Variants in DSE observed in about 807,000 individuals in gnomAD.
The protein encoded by DSE is dermatan-sulfate epimerase.
A neutral mutation model predicts 84.4 loss-of-function variants in DSE; 36 were observed. The ratio of observed to expected loss-of-function variants is 0.43; its 90% CI spans 0.33 to 0.56. The LOEUF is 0.56. Ranked by LOEUF, DSE falls within the 20% of genes least tolerant of loss-of-function variation. DSE has a pLI of 0.06. For missense variants in DSE, 862 were observed against 1,169.6 expected (o/e 0.74, Z 3.84); for synonymous variants, 410 against 430.1 (o/e 0.95, Z 0.58).
chr6:116,361,098 T>C (rs1468525945), intron 2 of DSE, among the ~76,000 whole-genome samples: 1 of 152,214 alleles, frequency 6.6e-6, no homozygotes, highest in South Asian at 2.1e-4. Context: ...GGAGTCTCGC[T>C]CTGTTGCCCA....
intron 2 of DSE, among the ~76,000 whole-genome samples, chr6:116,303,196 C>G (rs73767732): frequency 0.067 from 10,125 of 152,126 alleles, 675 homozygotes; most frequent in African/African-American, 0.17. Flanking sequence ...CTCCACCCCT[C>G]CCCTCAACTT....
At chr6:116,325,954 TGA>T (rs1286935524) in intron 2 of DSE, among the ~76,000 whole-genome samples, 2 of 152,126 alleles carry the variant, frequency 1.3e-5, no homozygotes, top group African/African-American at 4.8e-5. Context: ...AGGGGGTATG[TGA>T]CTGGGGCTGC....
chr6:116,362,933 A>G (rs1266211818), intron 2 of DSE, among the ~76,000 whole-genome samples: 10 of 152,146 alleles, frequency 6.6e-5, no homozygotes, highest in Admixed American at 1.3e-4. Context: ...AAGTTAAGTG[A>G]TTTTCCCAAG....
chr6:116,368,111 T>TA, upstream of DSE, among the ~76,000 whole-genome samples: 1 of 152,220 alleles, frequency 6.6e-6, no homozygotes, highest in Admixed American at 6.5e-5. Flanking sequence ...GCTCATCTGC[T>TA]GTCTGTTTGG....
intron 2 of DSE, among the ~76,000 whole-genome samples, chr6:116,319,648 AC>A (rs1776187634): frequency 6.6e-6 from 1 of 152,218 alleles, no homozygotes; most frequent in Non-Finnish European, 1.5e-5. Context: ...TCCTGGTCTT[AC>A]TTAAAATCCT....
chr6:116,323,208 A>T (rs938137024), intron 2 of DSE, among the ~76,000 whole-genome samples: 2 of 152,246 alleles, frequency 1.3e-5, no homozygotes, highest in African/African-American at 4.8e-5. Flanking sequence ...CAGCTTTTAA[A>T]CAGATTTCTT....
At chr6:116,303,611 A>G (rs1775166770) in intron 2 of DSE, among the ~76,000 whole-genome samples, 1 of 152,122 alleles carries the variant, frequency 6.6e-6, no homozygotes, top group African/African-American at 2.4e-5. Flanking sequence ...CCCTTCCCCC[A>G]ACAACTCAGG....
At chr6:116,328,160 C>T (rs1477732749) in intron 2 of DSE, among the ~76,000 whole-genome samples, 2 of 152,174 alleles carry the variant, frequency 1.3e-5, no homozygotes, top group Non-Finnish European at 2.9e-5. Context: ...AGTTTAGTTC[C>T]TTCAACCAAA....
rs553435337 is a variant in DSE, at chr6:116,328,980, C to T, written c.-54+70013C>T. On this transcript the variant is annotated intron_variant, in intron 2 of 3. Transcript: ENST00000430252. ...TTCTGCTTACTACGCCTGGCAGTTCCGCTTACTATGCCTGGCAGTTCCAAG... is the reference window on the plus strand; with the variant it reads ...TTCTGCTTACTACGCCTGGCAGTTCTGCTTACTATGCCTGGCAGTTCCAAG... 6.6e-5 allele frequency among the ~76,000 whole-genome samples: 10 copies of T among 152,196 alleles called. No individual in the cohort carries two copies. In the South Asian group the frequency reaches 1.9e-3, roughly 28 times the overall value.
intron 2 of DSE, among the ~76,000 whole-genome samples, chr6:116,425,272 A>G (rs1021237788): frequency 6.6e-6 from 1 of 152,230 alleles, no homozygotes; most frequent in African/African-American, 2.4e-5. Context: ...ATTTTAAAAC[A>G]TTTTGAGAAA....
intron 2 of DSE, among the ~76,000 whole-genome samples, chr6:116,275,616 TG>T (rs1257740449): frequency 6.6e-6 from 1 of 152,094 alleles, no homozygotes; most frequent in African/African-American, 2.4e-5. Flanking sequence ...CTGGCTAACA[TG>T]GTGAAACCCC....
At chr6:116,273,283 G>T (rs1489588495) in intron 2 of DSE, among the ~76,000 whole-genome samples, 2 of 152,016 alleles carry the variant, frequency 1.3e-5, no homozygotes, top group Non-Finnish European at 2.9e-5. Context: ...TGTTCTCAAA[G>T]AAATTACCTT....
intron 1 of DSE, chr6:116,375,656 C>T (rs2114931080): frequency 1.4e-6 from 1 of 719,550 alleles, no homozygotes; most frequent in South Asian, 6.3e-5. Context: ...AAGAGAAATA[C>T]AAGGTATTGT....
chr6:116,278,879 C>T (rs377362933), intron 2 of DSE: 2 of 1,614,114 alleles, frequency 1.2e-6, no homozygotes, highest in Non-Finnish European at 1.7e-6. Context: ...AACTTGCAAC[C>T]GGTTCTAGGG....
In DSE at chr6:116,440,053, A is replaced by T. The variant is rs1219534817; in HGVS notation, c.*2708A>T. ...GATGAGACCCAGAATTTTCAGAGAG[A>T]ACATTCTTTTGACAACATTGTTTTA... On this transcript the variant is annotated 3_prime_UTR_variant, in exon 6 of 6. Transcript: ENST00000644252. 6.6e-6 allele frequency: 1 copy of T among 152,084 alleles called. No individual in the cohort carries two copies. The highest frequency in any genetic ancestry group is 1.9e-4 in the East Asian group (1 of 5,194). The allele number at this position is 152,084 out of a possible 1,614,324, so 9.4% of individuals were successfully genotyped here.
intron 2 of DSE, among the ~76,000 whole-genome samples, chr6:116,413,408 C>T (rs1782508954): frequency 6.6e-6 from 1 of 152,210 alleles, no homozygotes; most frequent in Non-Finnish European, 1.5e-5. Flanking sequence ...TGGACATCTC[C>T]ACTGTGGAGA....
chr6:116,420,270 C>T (rs1782984457), intron 2 of DSE, among the ~76,000 whole-genome samples: 1 of 152,098 alleles, frequency 6.6e-6, no homozygotes, highest in Non-Finnish European at 1.5e-5. Flanking sequence ...TGGGACCCTC[C>T]TCAAAATTTA....
chr6:116,267,722 C>G (rs1021541578), intron 2 of DSE, among the ~76,000 whole-genome samples: 6 of 152,054 alleles, frequency 3.9e-5, no homozygotes, highest in Non-Finnish European at 5.9e-5. Flanking sequence ...TAAAGAACTG[C>G]CTGAGACTGG....
At chr6:116,387,717 A>T (rs754799564) in intron 1 of DSE, among the ~76,000 whole-genome samples, 8 of 152,368 alleles carry the variant, frequency 5.3e-5, no homozygotes, top group Middle Eastern at 3.4e-3. Flanking sequence ...TATTTCCAAC[A>T]AAATTACCCA....
Sources: gnomAD v4.1 joint callset for allele counts (sites outside exome capture counted in the v4.1 genomes callset) on GRCh38, gnomAD v4.1.1 for gene constraint, MANE v1.5 for transcripts, NCBI Gene and HGNC (gene_info 2026-07-23, HGNC 2026-07-21) for gene names.